Variants in DYRK4 observed in about 807,000 individuals in gnomAD.
DYRK4 encodes the protein dual specificity tyrosine phosphorylation regulated kinase 4, also known as dual specificity tyrosine-phosphorylation-regulated kinase 4.
DYRK4 carries 64 observed loss-of-function variants against 68.3 expected under a neutral mutation model. The observed-to-expected ratio is 0.94, with a 90% confidence interval of 0.77 to 1.15. DYRK4 has a LOEUF of 1.15. Ranked by LOEUF, DYRK4 falls within the 50% of genes most tolerant of loss-of-function variation. The probability of loss-of-function intolerance (pLI) is 0.00; values close to 1 mark genes in which losing one functional copy is unlikely to be tolerated. For missense variants in DYRK4, 740 were observed against 764.7 expected (o/e 0.97, Z 0.38); for synonymous variants, 274 against 289.9 (o/e 0.95, Z 0.56).
At chr12:4,593,296 T>C in intron 6 of DYRK4, 131 bp downstream of exon 6, 1 of 1,036,958 alleles carries the variant, frequency 9.6e-7, no homozygotes, top group East Asian at 2.6e-5. Context: ...TGAAGTATTC[T>C]GGTAGTGCCA....
At chr12:4,608,603 G>A (rs1484304506) in intron 12 of DYRK4, among the ~76,000 whole-genome samples, 2 of 151,998 alleles carry the variant, frequency 1.3e-5, no homozygotes, top group East Asian at 3.9e-4. Context: ...CAGGCTCCCT[G>A]GCCCTCTCCC....
intron 11 of DYRK4, 114 bp downstream of exon 11, chr12:4,605,200 GTTGTT>G: frequency 1.1e-6 from 1 of 915,524 alleles, no homozygotes; most frequent in South Asian, 1.8e-5. Context: ...TGTTGTTGTT[GTTGTT>G]GAGTATTCCC....
Position 4,591,049 on chromosome 12 carries a change from A to C in DYRK4, c.325-111A>C. The C allele has an allele frequency of 1.6e-6, 2 of 1,265,170 alleles. No homozygotes were observed. Among genetic ancestry groups the C allele is most frequent in the Non-Finnish European group, 2.2e-6 (2 of 915,116 alleles). The allele number at this position is 1,265,170 out of a possible 1,614,324, so 78.4% of individuals were successfully genotyped here. The stretch of plus-strand genomic sequence containing the variant: ...CTTAATCGCTGTTTTCTCCCTGGAG[A>C]GGTAGGTAAAGAGCCTGGCTGAAGG... On this transcript the variant is annotated intron_variant, in intron 4 of 14. Coordinates refer to ENST00000543431, the MANE Select transcript of DYRK4 (RefSeq NM_001394779.1). The surrounding 1 kb of genome is among the most constrained non-coding windows in gnomAD (Gnocchi z 4.1).
intron 2 of DYRK4, among the ~76,000 whole-genome samples, chr12:4,571,442 C>G (rs1944729362): frequency 6.6e-6 from 1 of 152,204 alleles, no homozygotes; most frequent in Admixed American, 6.5e-5. Flanking sequence ...CAGAACTGTG[C>G]TGTCCAATAT....
In DYRK4 at chr12:4,591,485, T is replaced by C. The variant is rs895663010; in HGVS notation, c.463+187T>C. On this transcript the variant is annotated intron_variant, in intron 5 of 14. Transcript: ENST00000543431. The surrounding 1 kb of genome is among the most constrained non-coding windows in gnomAD (Gnocchi z 4.1). ...GTGGTAGTATAAGCAAGAGGCTGAA[T>C]AGGAGGCTGAATTTCCCCCAAGGAG... The C allele has an allele frequency of 1.3e-6, 1 of 781,530 alleles. No individual in the cohort carries two copies. Among genetic ancestry groups the C allele is most frequent in the East Asian group, 2.8e-5 (1 of 36,140 alleles). The allele number at this position is 781,530 out of a possible 1,614,324, so 48.4% of individuals were successfully genotyped here. A position where few individuals can be genotyped will look rare whatever the true frequency, so the allele number is the denominator to read the frequency against.
intron 2 of DYRK4, among the ~76,000 whole-genome samples, chr12:4,568,398 T>A (rs1313968773): frequency 6.6e-6 from 1 of 152,018 alleles, no homozygotes. Context: ...TTTTTTTTTT[T>A]CTTTGAGACG....
At chr12:4,592,643 A>G (rs1323150050) in intron 5 of DYRK4, 2 of 169,452 alleles carry the variant, frequency 1.2e-5, no homozygotes, top group Non-Finnish European at 2.5e-5. Context: ...GACTAATTAT[A>G]GCTTAATTCC....
intron 11 of DYRK4, among the ~76,000 whole-genome samples, chr12:4,606,242 C>G (rs1400480069): frequency 1.3e-5 from 2 of 152,012 alleles, no homozygotes; most frequent in African/African-American, 4.8e-5. Context: ...TAGGATTTTC[C>G]CAGTGAACAA....
At chr12:4,573,642 A>G (rs1410580952) in intron 2 of DYRK4, among the ~76,000 whole-genome samples, 1 of 152,140 alleles carries the variant, frequency 6.6e-6, no homozygotes, top group African/African-American at 2.4e-5. Context: ...TGTGTGTTAT[A>G]GCAGTGTTTG....
chr12:4,599,787 A>G lies in DYRK4; in HGVS notation c.1125A>G (p.Lys375=). The change falls in exon 10 of 15, where the codon AAA becomes AAG. Residue 375 remains lysine, a splice_region_variant and synonymous_variant. Transcript: ENST00000543431. The part of the protein sequence containing the change: ...DFGSSCYEHQ[K]VYTYIQSRFY... Reference sequence around the variant, plus strand: ...GATCAAGCTGTTATGAACACCAGAAAGGTGAGCCCCATGTCAGTCCCATCA... The same window carrying G: ...GATCAAGCTGTTATGAACACCAGAAGGGTGAGCCCCATGTCAGTCCCATCA... The G allele has an allele frequency of 6.2e-7, 1 of 1,613,652 alleles. No homozygotes were observed. The highest frequency in any genetic ancestry group is 8.5e-7 in the Non-Finnish European group (1 of 1,179,702).
chr12:4,604,862 C>T, intron 10 of DYRK4, 52 bp from the exon 11 acceptor site: 5 of 1,514,904 alleles, frequency 3.3e-6, no homozygotes, highest in Middle Eastern at 1.8e-4. Context: ...GGAGAGCGTT[C>T]TGGAGGGTAA....
At chr12:4,604,470 C>T (rs1945117042) in intron 10 of DYRK4, among the ~76,000 whole-genome samples, 1 of 152,148 alleles carries the variant, frequency 6.6e-6, no homozygotes, top group Non-Finnish European at 1.5e-5. Context: ...AATAAGTGCA[C>T]ATGCTATATT....
intron 2 of DYRK4, among the ~76,000 whole-genome samples, chr12:4,570,207 T>G (rs1944717356): frequency 1.3e-5 from 2 of 151,702 alleles, no homozygotes; most frequent in African/African-American, 2.4e-5. Flanking sequence ...CGCCACTGCA[T>G]CCAGCCTGGT....
chr12:4,563,033 A>AT, intron 1 of DYRK4: 1 of 456,034 alleles, frequency 2.2e-6, no homozygotes, highest in African/African-American at 2.0e-5. Context: ...CATCACCAAT[A>AT]TTAATTCAAG....
At chr12:4,567,005 T>A (rs1022955942) in intron 1 of DYRK4, among the ~76,000 whole-genome samples, 2 of 152,242 alleles carry the variant, frequency 1.3e-5, no homozygotes, top group African/African-American at 4.8e-5. Flanking sequence ...TGGGCACATA[T>A]AAAGATCTAT....
At chr12:4,600,057 G>A (rs1945063948) in intron 10 of DYRK4, among the ~76,000 whole-genome samples, 1 of 152,176 alleles carries the variant, frequency 6.6e-6, no homozygotes, top group Non-Finnish European at 1.5e-5. Flanking sequence ...AACTAACTGT[G>A]TATCTGAATT....
chr12:4,573,949 C>T (rs915034126), intron 2 of DYRK4, among the ~76,000 whole-genome samples: 3 of 152,008 alleles, frequency 2.0e-5, no homozygotes, highest in South Asian at 2.1e-4. Context: ...TCCCAGGCCC[C>T]GCGCAGTGGC....
Position 4,606,464 on chromosome 12 carries a change from A to G in DYRK4, c.1300-863A>G, listed in dbSNP as rs1369505902. ...TCGAAACTAATAATAAAATATTAAA[A>G]TAACTTAGGTAAAAATAGCTGTGGT... On this transcript the variant is annotated intron_variant, in intron 11 of 14. Coordinates refer to ENST00000543431, the MANE Select transcript of DYRK4 (RefSeq NM_001394779.1). Among the ~76,000 whole-genome samples, 5 of 152,380 alleles carry G rather than the reference A, an allele frequency of 3.3e-5. No individual in the cohort carries two copies. In the East Asian group the frequency reaches 9.6e-4, roughly 29 times the overall value.
intron 9 of DYRK4, 103 bp downstream of exon 9, chr12:4,599,269 ACT>A: frequency 1.1e-5 from 7 of 647,086 alleles, no homozygotes; most frequent in Non-Finnish European, 1.3e-5. Flanking sequence ...ATTGCCTTTG[ACT>A]TTTTTTTTTT....
Sources: gnomAD v4.1 joint callset for allele counts (sites outside exome capture counted in the v4.1 genomes callset) on GRCh38, gnomAD v4.1.1 for gene constraint, Gnocchi (gnomAD v3.1) non-coding constraint, MANE v1.5 for transcripts, NCBI Gene and HGNC (gene_info 2026-07-23, HGNC 2026-07-21) for gene names.